Variants in ARHGAP15 observed in about 807,000 individuals in gnomAD.
ARHGAP15 encodes the protein rho GTPase-activating protein 15.
Under a neutral mutation model 63.7 loss-of-function variants are expected in ARHGAP15, and 51 were observed. That is an observed-to-expected ratio of 0.80 (90% confidence interval 0.64 to 1.01). The LOEUF is 1.01. ARHGAP15 is among the 50% of genes least tolerant of loss of function. The pLI is 0.00. For synonymous variants in ARHGAP15, 191 were observed against 193.8 expected (o/e 0.99, Z 0.12); for missense variants, 560 against 564.6 (o/e 0.99, Z 0.08).
intron 6 of ARHGAP15, among the ~76,000 whole-genome samples, chr2:143,328,740 AT>A (rs1294460312): frequency 6.6e-6 from 1 of 151,592 alleles, no homozygotes; most frequent in Non-Finnish European, 1.5e-5. Flanking sequence ...TAATAAAAAA[AT>A]AGGATGAATA....
At chr2:143,587,052 T>G (rs773082263) in intron 11 of ARHGAP15, among the ~76,000 whole-genome samples, 1 of 152,128 alleles carries the variant, frequency 6.6e-6, no homozygotes, top group Non-Finnish European at 1.5e-5. Context: ...TCCTGAGGAA[T>G]GGACAATAAA....
At chr2:143,686,224 T>C (rs1683332325) in intron 12 of ARHGAP15, among the ~76,000 whole-genome samples, 1 of 113,794 alleles carries the variant, frequency 8.8e-6, no homozygotes, top group African/African-American at 2.9e-5. Context: ...CTGACCAACA[T>C]GGTGAAACCC....
intron 2 of ARHGAP15, among the ~76,000 whole-genome samples, chr2:143,161,197 C>A (rs1312512419): frequency 6.6e-6 from 1 of 151,872 alleles, no homozygotes; most frequent in Non-Finnish European, 1.5e-5. Flanking sequence ...TGCTTCCTAG[C>A]TAATTATGTA....
At chr2:143,707,897 A>G (rs555966178) in intron 13 of ARHGAP15, among the ~76,000 whole-genome samples, 8 of 152,344 alleles carry the variant, frequency 5.3e-5, no homozygotes, top group Non-Finnish European at 8.8e-5. Flanking sequence ...AATATGGGGG[A>G]AAAAGTTGTG....
intron 11 of ARHGAP15, chr2:143,606,794 A>G (rs777364500): frequency 1.3e-5 from 2 of 152,238 alleles, no homozygotes; most frequent in Non-Finnish European, 2.9e-5. Context: ...CATGTATGAG[A>G]AGCCAAAGGA....
rs189882626 is a variant in ARHGAP15 at position 143,293,315 on chromosome 2, A to T, written c.474+42715A>T. ...TCATCACTAGCAACTGACATTTATTAGGTCCTCATACATGCCAGGTGTGTT... is the reference window on the plus strand; with the variant it reads ...TCATCACTAGCAACTGACATTTATTTGGTCCTCATACATGCCAGGTGTGTT... On this transcript the variant is annotated intron_variant, in intron 6 of 13. Coordinates refer to ENST00000295095, the MANE Select transcript of ARHGAP15 (RefSeq NM_018460.4). Among the ~76,000 whole-genome samples, 5 of 152,226 alleles carry T rather than the reference A, an allele frequency of 3.3e-5. No homozygotes were observed. In the East Asian group the frequency reaches 9.7e-4, roughly 29 times the overall value.
intron 8 of ARHGAP15, among the ~76,000 whole-genome samples, chr2:143,481,664 T>G (rs1692086320): frequency 6.6e-6 from 1 of 152,080 alleles, no homozygotes; most frequent in Admixed American, 6.6e-5. Context: ...GTTACTAAAG[T>G]GAGAAAATAA....
intron 6 of ARHGAP15, among the ~76,000 whole-genome samples, chr2:143,263,907 CTTTTTTTTTTTTTTTTTTTTTTTTT>C (rs373296096): frequency 5.2e-5 from 2 of 38,420 alleles, no homozygotes; most frequent in African/African-American, 6.3e-5. Flanking sequence ...AAGCTGCAGT[CTTTTTTTTTTTTTTTTTTTTTTTTT>C]TTTTTTTTTT....
intron 6 of ARHGAP15, among the ~76,000 whole-genome samples, chr2:143,267,437 A>C (rs1681051747): frequency 6.6e-6 from 1 of 152,208 alleles, no homozygotes; most frequent in Non-Finnish European, 1.5e-5. Flanking sequence ...ATTCATATCT[A>C]TTTTTAAAAT....
At chr2:143,743,123 T>C (rs576791111) in intron 13 of ARHGAP15, among the ~76,000 whole-genome samples, 2 of 152,104 alleles carry the variant, frequency 1.3e-5, no homozygotes, top group African/African-American at 4.8e-5. Context: ...AGAGGACAGA[T>C]AGGCAGCGGG....
At chr2:143,352,090 C>T (rs910701173) in intron 6 of ARHGAP15, among the ~76,000 whole-genome samples, 14 of 152,162 alleles carry the variant, frequency 9.2e-5, no homozygotes, top group Non-Finnish European at 1.5e-4. Context: ...AACAACATTA[C>T]AATTCTTTGT....
chr2:143,331,675 A>G (rs2105259901), intron 6 of ARHGAP15, among the ~76,000 whole-genome samples: 1 of 152,304 alleles, frequency 6.6e-6, no homozygotes, highest in Middle Eastern at 3.4e-3. Context: ...TGAAAACAAC[A>G]AAGTGCTCTT....
At chr2:143,527,102 A>G (rs1431134522) in intron 10 of ARHGAP15, among the ~76,000 whole-genome samples, 2 of 152,076 alleles carry the variant, frequency 1.3e-5, no homozygotes, top group African/African-American at 4.8e-5. Context: ...TCTTTTTTAA[A>G]GTTTATACCA....
At chr2:143,400,969 G>A (rs1687965779) in intron 6 of ARHGAP15, among the ~76,000 whole-genome samples, 1 of 151,936 alleles carries the variant, frequency 6.6e-6, no homozygotes, top group Non-Finnish European at 1.5e-5. Flanking sequence ...CATTCCGCCT[G>A]CTAAATGATG....
intron 12 of ARHGAP15, among the ~76,000 whole-genome samples, chr2:143,684,926 A>G (rs975973349): frequency 3.9e-5 from 6 of 152,200 alleles, no homozygotes; most frequent in Non-Finnish European, 7.3e-5. Context: ...TTAAGCTGCA[A>G]CGGCAGAATA....
chr2:143,406,155 G>A (rs1401082668), intron 6 of ARHGAP15, among the ~76,000 whole-genome samples: 6 of 151,752 alleles, frequency 4.0e-5, no homozygotes, highest in Non-Finnish European at 7.4e-5. Context: ...TTCATAAATG[G>A]ATGTACCTCA....
chr2:143,646,311 A>T (rs1680877022), intron 12 of ARHGAP15, among the ~76,000 whole-genome samples: 1 of 152,072 alleles, frequency 6.6e-6, no homozygotes, highest in Admixed American at 6.6e-5. Context: ...AAAAAAAAAG[A>T]TTGTGATATG....
intron 9 of ARHGAP15, among the ~76,000 whole-genome samples, chr2:143,498,260 C>T (rs562177847): frequency 1.3e-5 from 2 of 152,052 alleles, no homozygotes; most frequent in Admixed American, 1.3e-4. Context: ...TTAGTGATAA[C>T]GAAAATTAAC....
intron 9 of ARHGAP15, among the ~76,000 whole-genome samples, chr2:143,491,679 A>G (rs1181699478): frequency 1.3e-5 from 2 of 152,118 alleles, no homozygotes; most frequent in Non-Finnish European, 2.9e-5. Context: ...AACAGTTTCT[A>G]TTTATAGTTC....
Sources: gnomAD v4.1 joint callset for allele counts (sites outside exome capture counted in the v4.1 genomes callset) on GRCh38, gnomAD v4.1.1 for gene constraint, MANE v1.5 for transcripts, NCBI Gene and HGNC (gene_info 2026-07-23, HGNC 2026-07-21) for gene names.